FILIP1L: variants seen among roughly 807,000 people sequenced by gnomAD.
The protein encoded by FILIP1L is filamin A-interacting protein 1-like.
FILIP1L carries 55 observed loss-of-function variants against 96.6 expected under a neutral mutation model. The ratio of observed to expected loss-of-function variants is 0.57; its 90% CI spans 0.46 to 0.71. The LOEUF is 0.71. FILIP1L is among the 30% of genes least tolerant of loss of function. FILIP1L has a pLI of 0.00. For synonymous variants in FILIP1L, 467 were observed against 473.9 expected, an observed-to-expected ratio of 0.99 and a Z score of 0.19; for missense variants, 1,304 against 1,321.2, an observed-to-expected ratio of 0.99 and a Z score of 0.20.
At chr3:99,998,354 G>A (rs911006231) in intron 1 of FILIP1L, among the ~76,000 whole-genome samples, 2 of 152,136 alleles carry the variant, frequency 1.3e-5, no homozygotes, top group African/African-American at 4.8e-5. Context: ...GAGTTTAAAT[G>A]TTTGGTGTAG....
intron 4 of FILIP1L, among the ~76,000 whole-genome samples, chr3:99,860,902 C>T (rs1284565259): frequency 6.6e-6 from 1 of 152,142 alleles, no homozygotes; most frequent in Non-Finnish European, 1.5e-5. Context: ...CCTCTCCTAT[C>T]ACTCTTTTAA....
chr3:99,996,672 C>T (rs146861989), intron 1 of FILIP1L, among the ~76,000 whole-genome samples: 17 of 152,104 alleles, frequency 1.1e-4, no homozygotes, highest in East Asian at 5.8e-4. Flanking sequence ...AGGCAAAAGG[C>T]GCTTCTTACA....
At chr3:99,961,411 A>ATACATATG (rs1336672171) in intron 1 of FILIP1L, among the ~76,000 whole-genome samples, 1 of 152,068 alleles carries the variant, frequency 6.6e-6, no homozygotes, top group Non-Finnish European at 1.5e-5. Flanking sequence ...ATCTACAATG[A>ATACATATG]CTCTTATGCT....
chr3:99,932,996 A>G (rs1707535153), intron 1 of FILIP1L, among the ~76,000 whole-genome samples: 1 of 152,212 alleles, frequency 6.6e-6, no homozygotes, highest in African/African-American at 2.4e-5. Context: ...TCCATGTATT[A>G]GCTCATTCAA....
At chr3:99,933,441 C>T (rs551552219) in intron 1 of FILIP1L, among the ~76,000 whole-genome samples, 89 of 152,180 alleles carry the variant, frequency 5.8e-4, no homozygotes, top group African/African-American at 2.1e-3. Context: ...TGGGAAAAAC[C>T]TCATTGTGTG....
intron 3 of FILIP1L, among the ~76,000 whole-genome samples, chr3:99,926,844 G>C (rs1186551551): frequency 6.6e-6 from 1 of 152,134 alleles, no homozygotes; most frequent in Non-Finnish European, 1.5e-5. Context: ...TGTTTGAAGG[G>C]AATGGAAAGA....
intron 1 of FILIP1L, among the ~76,000 whole-genome samples, chr3:99,977,846 G>GGTA (rs1709015741): frequency 6.6e-6 from 1 of 152,060 alleles, no homozygotes; most frequent in Non-Finnish European, 1.5e-5. Context: ...GATCCAATAA[G>GGTA]AGAAATCTGT....
At chr3:100,014,645 G>T (rs1023624737) in intron 1 of FILIP1L, among the ~76,000 whole-genome samples, 12 of 151,924 alleles carry the variant, frequency 7.9e-5, no homozygotes, top group Non-Finnish European at 1.5e-4. Flanking sequence ...CTTCTTTTGA[G>T]AAATGTCTTT....
intron 1 of FILIP1L, among the ~76,000 whole-genome samples, chr3:99,981,548 C>G (rs531010472): frequency 1.3e-4 from 20 of 152,264 alleles, no homozygotes; most frequent in Middle Eastern, 3.4e-3. Context: ...TTGATCATCA[C>G]ACAGTGTATA....
chr3:99,989,491 A>C (rs1019013516), intron 1 of FILIP1L, among the ~76,000 whole-genome samples: 1 of 152,200 alleles, frequency 6.6e-6, no homozygotes, highest in African/African-American at 2.4e-5. Flanking sequence ...AGTTGACTCC[A>C]ACCCTTGACT....
intron 5 of FILIP1L, among the ~76,000 whole-genome samples, chr3:99,846,861 A>G (rs115395477): frequency 0.022 from 3,419 of 152,316 alleles, 69 homozygotes; most frequent in Middle Eastern, 0.054. Flanking sequence ...TAAATTAACA[A>G]TTATGAGGTT....
intron 4 of FILIP1L, among the ~76,000 whole-genome samples, chr3:99,866,150 T>G (rs1027440455): frequency 6.6e-6 from 1 of 152,080 alleles, no homozygotes; most frequent in Non-Finnish European, 1.5e-5. Flanking sequence ...AGCAAAAAGT[T>G]AAAACTTTTT....
intron 1 of FILIP1L, among the ~76,000 whole-genome samples, chr3:100,036,380 A>G (rs1280301541): frequency 6.6e-6 from 1 of 152,210 alleles, no homozygotes; most frequent in African/African-American, 2.4e-5. Context: ...AATGATGAGG[A>G]CATGTCAAAA....
intron 1 of FILIP1L, among the ~76,000 whole-genome samples, chr3:100,033,964 C>T (rs553485933): frequency 6.6e-6 from 1 of 152,236 alleles, no homozygotes; most frequent in East Asian, 1.9e-4. Flanking sequence ...ATTATTTAAT[C>T]CAGATTTCTT....
At chr3:100,049,473 T>C (rs2065333766) in intron 1 of FILIP1L, among the ~76,000 whole-genome samples, 1 of 152,226 alleles carries the variant, frequency 6.6e-6, no homozygotes, top group African/African-American at 2.4e-5. Context: ...CTTCTTTTTA[T>C]TGATTGATCT....
chr3:99,855,715 A>C (rs749550029), intron 4 of FILIP1L, among the ~76,000 whole-genome samples: 3 of 152,244 alleles, frequency 2.0e-5, no homozygotes, highest in Non-Finnish European at 4.4e-5. Flanking sequence ...AAAAGTGTGT[A>C]TCTCTCAGAG....
chr3:99,925,681 G>A (rs1393653418), intron 3 of FILIP1L, among the ~76,000 whole-genome samples: 2 of 152,194 alleles, frequency 1.3e-5, no homozygotes, highest in Non-Finnish European at 2.9e-5. Flanking sequence ...AGCAGGACAG[G>A]ACTCCATAGC....
intron 1 of FILIP1L, among the ~76,000 whole-genome samples, chr3:100,034,519 T>C (rs2065074943): frequency 6.6e-6 from 1 of 152,240 alleles, no homozygotes; most frequent in Non-Finnish European, 1.5e-5. Flanking sequence ...AGGTTCTTTG[T>C]GTTGCCTAAA....
Position 99,929,914 on chromosome 3 carries a change from G to C in FILIP1L, c.368C>G (p.Ala123Gly), listed in dbSNP as rs374477637. ...CCAAGGGGTAGATTTCGCTTGAAAA[G>C]CATCTCTCTGGAGAGCCTCTAACAC... ...KKVLEALQRD[A>G]FQAKSTPWQE... Residue 123 changes from alanine (A) to glycine (G), a missense_variant, in exon 3 of 6, where the codon GCT (alanine) becomes GGT (glycine). Ala to Gly is a moderately conservative substitution (Grantham distance 60). Transcript: ENST00000477258. 40 of 1,613,612 alleles carry C rather than the reference G, an allele frequency of 2.5e-5. No individual in the cohort carries two copies. The highest frequency in any genetic ancestry group is 6.7e-5 in the African/African-American group (5 of 74,838).
Sources: gnomAD v4.1 joint callset for allele counts (sites outside exome capture counted in the v4.1 genomes callset) on GRCh38, gnomAD v4.1.1 for gene constraint, MANE v1.5 for transcripts, NCBI Gene and HGNC (gene_info 2026-07-23, HGNC 2026-07-21) for gene names.